UNC13C: variants seen among roughly 807,000 people sequenced by gnomAD.
UNC13C encodes the protein unc-13 homolog C.
In UNC13C, 174 loss-of-function variants were observed where a neutral mutation model predicts 245.4. That is an observed-to-expected ratio of 0.71 (90% CI 0.63 to 0.80). The LOEUF is 0.80. UNC13C is among the 30% of genes least tolerant of loss of function. UNC13C has a pLI of 0.00. For missense variants in UNC13C, 2,829 were observed against 2,602.9 expected, an observed-to-expected ratio of 1.09 and a Z score of -1.89; for synonymous variants, 992 against 895.1, an observed-to-expected ratio of 1.11 and a Z score of -1.93.
intron 4 of UNC13C, among the ~76,000 whole-genome samples, chr15:54,175,122 C>G (rs2033561916): frequency 6.6e-6 from 1 of 152,240 alleles, no homozygotes; most frequent in East Asian, 1.9e-4. Context: ...CCAACAGGGG[C>G]ATATTTCCTT....
chr15:54,163,832 G>A (rs1329035079), intron 4 of UNC13C, among the ~76,000 whole-genome samples: 1 of 152,084 alleles, frequency 6.6e-6, no homozygotes, highest in East Asian at 1.9e-4. Flanking sequence ...TAATTATAGT[G>A]TTTTCAATTA....
At chr15:54,448,070 G>A (rs1490288373) in intron 19 of UNC13C, among the ~76,000 whole-genome samples, 1 of 152,180 alleles carries the variant, frequency 6.6e-6, no homozygotes, top group African/African-American at 2.4e-5. Flanking sequence ...CAGTTTCCAT[G>A]TAGTTGAGCG....
intron 7 of UNC13C, among the ~76,000 whole-genome samples, chr15:54,240,527 CT>C (rs763998297): frequency 6.6e-6 from 1 of 152,164 alleles, no homozygotes; most frequent in Non-Finnish European, 1.5e-5. Context: ...GCTCAGTCAT[CT>C]TTTCCAAGGA....
intron 17 of UNC13C, among the ~76,000 whole-genome samples, chr15:54,378,578 C>G (rs1253322743): frequency 6.6e-6 from 1 of 151,240 alleles, no homozygotes; most frequent in South Asian, 2.1e-4. Flanking sequence ...TAAATATATT[C>G]TACACATACA....
intron 4 of UNC13C, among the ~76,000 whole-genome samples, chr15:54,230,450 C>T (rs1234492330): frequency 7.3e-6 from 1 of 137,506 alleles, no homozygotes; most frequent in African/African-American, 2.7e-5. Flanking sequence ...TGTTATCAGT[C>T]AATTTTGAGT....
intron 23 of UNC13C, among the ~76,000 whole-genome samples, chr15:54,510,863 A>G (rs975808300): frequency 6.6e-6 from 1 of 152,158 alleles, no homozygotes; most frequent in African/African-American, 2.4e-5. Context: ...TACAGCAAAG[A>G]TTAAATGATT....
intron 2 of UNC13C, among the ~76,000 whole-genome samples, chr15:54,097,448 A>G (rs963812092): frequency 3.3e-5 from 5 of 152,212 alleles, no homozygotes; most frequent in African/African-American, 9.7e-5. Flanking sequence ...TAAGGAGATT[A>G]TGCGGTACTG....
At chr15:54,347,265 A>G (rs565071996) in intron 17 of UNC13C, among the ~76,000 whole-genome samples, 1 of 152,342 alleles carries the variant, frequency 6.6e-6, no homozygotes, top group African/African-American at 2.4e-5. Flanking sequence ...TTTCTGTTGA[A>G]CAATGAAAAC....
chr15:53,981,699 T>A (rs568119956), intron 1 of UNC13C, among the ~76,000 whole-genome samples: 1 of 152,172 alleles, frequency 6.6e-6, no homozygotes, highest in African/African-American at 2.4e-5. Context: ...GGTTCTATAA[T>A]CTCTACAGAG....
At chr15:54,445,263 C>A (rs1003261838) in intron 19 of UNC13C, among the ~76,000 whole-genome samples, 1 of 152,070 alleles carries the variant, frequency 6.6e-6, no homozygotes, top group Non-Finnish European at 1.5e-5. Context: ...GTGAATAGTG[C>A]CGCAATAAAC....
intron 2 of UNC13C, among the ~76,000 whole-genome samples, chr15:54,080,079 G>A (rs1052977081): frequency 1.3e-5 from 2 of 149,784 alleles, no homozygotes; most frequent in African/African-American, 2.4e-5. Flanking sequence ...TGAGAGGATC[G>A]TATAGTTTTT....
chr15:54,453,110 C>G (rs1222335785), intron 19 of UNC13C, among the ~76,000 whole-genome samples: 2 of 152,148 alleles, frequency 1.3e-5, no homozygotes, highest in Non-Finnish European at 2.9e-5. Flanking sequence ...TTCTCTCTCT[C>G]TAAAGCAATG....
chr15:53,889,044 G>C, the UNC13C span, among the ~76,000 whole-genome samples: 1 of 152,014 alleles, frequency 6.6e-6, no homozygotes, highest in Non-Finnish European at 1.5e-5. Flanking sequence ...CTCTTTTTTG[G>C]TTCCATATGA....
chr15:54,251,982 G>A (rs1260931449), intron 8 of UNC13C, among the ~76,000 whole-genome samples: 1 of 152,102 alleles, frequency 6.6e-6, no homozygotes, highest in East Asian at 1.9e-4. Flanking sequence ...TGAAAAATAA[G>A]AAGTATAGTT....
chr15:54,331,438 A>C (rs1366124081), intron 14 of UNC13C, among the ~76,000 whole-genome samples: 1 of 152,070 alleles, frequency 6.6e-6, no homozygotes, highest in Non-Finnish European at 1.5e-5. Context: ...AAGCAACAGA[A>C]GTTTTTTGGC....
At chr15:54,414,519 C>T (rs1232817298) in intron 18 of UNC13C, among the ~76,000 whole-genome samples, 4 of 152,038 alleles carry the variant, frequency 2.6e-5, no homozygotes, top group Non-Finnish European at 4.4e-5. Context: ...TGGTGGCACA[C>T]GCCTGTAATC....
At chr15:54,184,748 A>G (rs549329243) in intron 4 of UNC13C, among the ~76,000 whole-genome samples, 108 of 152,310 alleles carry the variant, frequency 7.1e-4, no homozygotes, top group African/African-American at 2.4e-3. Flanking sequence ...GTGTCTTTAT[A>G]GCAGCATGAT....
chr15:54,385,028 C>T (rs1038465816), intron 17 of UNC13C, among the ~76,000 whole-genome samples: 1 of 151,878 alleles, frequency 6.6e-6, no homozygotes, highest in Non-Finnish European at 1.5e-5. Flanking sequence ...CTGGCAAGGA[C>T]GTGAGGAAAA....
At chr15:54,005,288 C>T (rs1298810499) in intron 1 of UNC13C, among the ~76,000 whole-genome samples, 4 of 152,154 alleles carry the variant, frequency 2.6e-5, no homozygotes, top group Non-Finnish European at 5.9e-5. Context: ...AAACATACTA[C>T]ATAGGTCACC....
Sources: gnomAD v4.1 joint callset for allele counts (sites outside exome capture counted in the v4.1 genomes callset) on GRCh38, gnomAD v4.1.1 for gene constraint, MANE v1.5 for transcripts, NCBI Gene and HGNC (gene_info 2026-07-23, HGNC 2026-07-21) for gene names.